ERBB4: variants seen among roughly 807,000 people sequenced by gnomAD.
ERBB4 encodes receptor tyrosine-protein kinase erbB-4.
ERBB4 carries 42 observed loss-of-function variants against 158.0 expected under a neutral mutation model. The observed-to-expected ratio is 0.27, with a 90% CI of 0.21 to 0.34. ERBB4 has a LOEUF of 0.34. Ranked by LOEUF, ERBB4 falls within the 10% of genes least tolerant of loss-of-function variation. ERBB4 has a pLI of 1.00. For synonymous variants in ERBB4, 583 were observed against 558.7 expected, an observed-to-expected ratio of 1.04 and a Z score of -0.61; for missense variants, 1,333 against 1,624.1, an observed-to-expected ratio of 0.82 and a Z score of 3.08.
At chr2:212,203,231 C>T (rs190295911) in intron 1 of ERBB4, among the ~76,000 whole-genome samples, 5 of 152,216 alleles carry the variant, frequency 3.3e-5, no homozygotes, top group Middle Eastern at 3.4e-3. Flanking sequence ...ATGGTAGGCT[C>T]TCCTGGAAAG....
At chr2:211,795,078 C>G (rs1289339496) in intron 3 of ERBB4, among the ~76,000 whole-genome samples, 2 of 151,768 alleles carry the variant, frequency 1.3e-5, no homozygotes, top group African/African-American at 4.8e-5. Context: ...TGCCTGTAAT[C>G]TATTCTCCCC....
chr2:212,426,297 GT>G, intron 1 of ERBB4: 2 of 470,704 alleles, frequency 4.2e-6, no homozygotes, highest in South Asian at 3.2e-5. Context: ...AGTAATTACA[GT>G]TTTTGCCATT....
intron 1 of ERBB4, among the ~76,000 whole-genome samples, chr2:212,197,769 T>C (rs957553081): frequency 3.9e-5 from 6 of 152,312 alleles, no homozygotes; most frequent in Middle Eastern, 3.4e-3. Context: ...AGTAGCATTT[T>C]TGAAGGGTCT....
chr2:212,281,076 C>T (rs774464165), intron 1 of ERBB4, among the ~76,000 whole-genome samples: 1 of 151,696 alleles, frequency 6.6e-6, no homozygotes, highest in South Asian at 2.1e-4. Flanking sequence ...CTTCACAACT[C>T]CCCCTCAGAA....
rs186162469 is a variant in ERBB4, at chr2:212,076,305, T to C, written c.234+48447A>G. Reference sequence around the variant, plus strand: ...TTATTTATTTGACAATTATCTTCCATGTAAAGAGTAAAGTGTTAGATCATG... The same window carrying C: ...TTATTTATTTGACAATTATCTTCCACGTAAAGAGTAAAGTGTTAGATCATG... On this transcript the variant is annotated intron_variant, in intron 2 of 27. Coordinates refer to ENST00000342788, the MANE Select transcript of ERBB4 (RefSeq NM_005235.3). Among the ~76,000 whole-genome samples the C allele has an allele frequency of 4.6e-5, 7 of 152,018 alleles. No homozygotes were observed. In the East Asian group the frequency reaches 7.7e-4, roughly 17 times the overall value.
chr2:212,201,478 T>A (rs2082585064), intron 1 of ERBB4, among the ~76,000 whole-genome samples: 1 of 152,176 alleles, frequency 6.6e-6, no homozygotes. Flanking sequence ...TTTTATTTTT[T>A]TCACGCTTGC....
At chr2:212,095,429 A>G (rs560737323) in intron 2 of ERBB4, among the ~76,000 whole-genome samples, 32 of 152,222 alleles carry the variant, frequency 2.1e-4, no homozygotes, top group Non-Finnish European at 4.3e-4. Flanking sequence ...TAAAATTCCC[A>G]AAGTTTGCAT....
chr2:212,537,214 G>A (rs1465384340), intron 1 of ERBB4, among the ~76,000 whole-genome samples: 2 of 152,034 alleles, frequency 1.3e-5, no homozygotes, highest in African/African-American at 4.8e-5. Context: ...CCCTCCGGGG[G>A]CCTAAAGCGC....
intron 19 of ERBB4, among the ~76,000 whole-genome samples, chr2:211,615,839 T>C (rs1318779230): frequency 1.3e-5 from 2 of 152,074 alleles, no homozygotes; most frequent in African/African-American, 4.8e-5. Context: ...GGTTATTGAA[T>C]CTAGAATATT....
In ERBB4 at chr2:211,712,263, T is replaced by C. The variant is rs2073729532; in HGVS notation, c.998-87A>G. 16 of 1,256,336 alleles carry C rather than the reference T, an allele frequency of 1.3e-5. No homozygotes were observed. In the South Asian group the frequency reaches 1.8e-4, roughly 14 times the overall value. The allele number at this position is 1,256,336 out of a possible 1,614,324, so 77.8% of individuals were successfully genotyped here. A position where few individuals can be genotyped will look rare whatever the true frequency, so the allele number is the denominator to read the frequency against. Reference sequence around the variant, plus strand: ...GCATCTTCATTATAAAATAGCAGAGTATTTTTAATTGTAACATATAAAATA... The same window carrying C: ...GCATCTTCATTATAAAATAGCAGAGCATTTTTAATTGTAACATATAAAATA... On this transcript the variant is annotated intron_variant, in intron 8 of 27. Coordinates refer to ENST00000342788, the MANE Select transcript of ERBB4 (RefSeq NM_005235.3).
At chr2:212,441,530 G>A (rs113367287) in intron 1 of ERBB4, among the ~76,000 whole-genome samples, 7,422 of 152,254 alleles carry the variant, frequency 0.049, 399 homozygotes, top group African/African-American at 0.13. Flanking sequence ...AACTGTTTGA[G>A]TTTTCTAATC....
At chr2:211,476,130 A>T (rs756206558) in intron 20 of ERBB4, among the ~76,000 whole-genome samples, 3 of 152,108 alleles carry the variant, frequency 2.0e-5, no homozygotes, top group Non-Finnish European at 2.9e-5. Flanking sequence ...GACTGACTTT[A>T]GAACTTCAGC....
At position 212,009,117 on chromosome 2, in the gene ERBB4, T is replaced by TTTCG. The variant is rs1178123078; in HGVS notation, c.235-61502_235-61501insCGAA. Among the ~76,000 whole-genome samples the TTTCG allele has an allele frequency of 8.7e-5, 13 of 149,978 alleles. No homozygotes were observed. In the Admixed American group the frequency reaches 8.7e-4, roughly 10 times the overall value. On this transcript the variant is annotated intron_variant, in intron 2 of 27. Transcript: ENST00000342788. The stretch of plus-strand genomic sequence containing the variant: ...TTATCAAAATAAAAATCATTAAAAC[T>TTTCG]TATTATAACTTCTGTAGTATGTTGA...
At chr2:211,578,562 G>A (rs1353958343) in intron 19 of ERBB4, among the ~76,000 whole-genome samples, 2 of 152,062 alleles carry the variant, frequency 1.3e-5, no homozygotes, top group African/African-American at 4.8e-5. Context: ...TATATTACAA[G>A]GCTACAGTAA....
rs1009484578 is a variant in ERBB4, at chr2:212,436,135, G to A, written c.82+102314C>T. Among the ~76,000 whole-genome samples, 4 of 151,720 alleles carry A rather than the reference G, an allele frequency of 2.6e-5. No homozygotes were observed. The East Asian group carries it at 7.7e-4, about 29-fold the overall frequency. ...AAACGAGAAATTGATGAATAAATGA[G>A]TACATGTAATCTCTAGAATAAGTTT... On this transcript the variant is annotated intron_variant, in intron 1 of 27. Coordinates refer to ENST00000342788, the MANE Select transcript of ERBB4 (RefSeq NM_005235.3).
At chr2:211,936,280 T>C (rs1158330309) in intron 3 of ERBB4, among the ~76,000 whole-genome samples, 1 of 151,980 alleles carries the variant, frequency 6.6e-6, no homozygotes, top group African/African-American at 2.4e-5. Flanking sequence ...TCATAGTAAA[T>C]TGAAAATCAA....
intron 19 of ERBB4, among the ~76,000 whole-genome samples, chr2:211,592,864 A>C (rs2125795957): frequency 6.6e-6 from 1 of 152,236 alleles, no homozygotes; most frequent in South Asian, 2.1e-4. Context: ...ACAAAAAATT[A>C]GCTGGGCGTG....
At chr2:211,961,451 T>C (rs145267038) in intron 2 of ERBB4, among the ~76,000 whole-genome samples, 123 of 152,294 alleles carry the variant, frequency 8.1e-4, no homozygotes, top group African/African-American at 2.7e-3. Flanking sequence ...GGGACTTGCC[T>C]CAGGGGCAAT....
At chr2:211,904,105 C>G (rs928856421) in intron 3 of ERBB4, among the ~76,000 whole-genome samples, 3 of 152,060 alleles carry the variant, frequency 2.0e-5, no homozygotes, top group Non-Finnish European at 4.4e-5. Context: ...AAATACTGTT[C>G]CAAGTATTGA....
Sources: allele counts gnomAD v4.1 joint callset (sites outside exome capture counted in the v4.1 genomes callset), GRCh38; gene constraint gnomAD v4.1.1; transcripts MANE v1.5; gene names NCBI Gene and HGNC (gene_info 2026-07-23, HGNC 2026-07-21).